The following PDE11A variants were observed in gnomAD, a reference collection of about 807,000 sequenced individuals.
PDE11A encodes the protein phosphodiesterase 11A.
PDE11A carries 100 observed loss-of-function variants against 100.5 expected under a neutral mutation model. The ratio of observed to expected loss-of-function variants is 1.00; its 90% CI spans 0.85 to 1.18. The LOEUF is 1.18. Among genes scored for constraint, PDE11A ranks in the 50% most tolerant of loss-of-function variants. The pLI, the probability that PDE11A is intolerant of heterozygous loss-of-function variation, is 0.00. For synonymous variants in PDE11A, 381 were observed against 420.8 expected (o/e 0.91, Z 1.16); for missense variants, 1,141 against 1,152.6 (o/e 0.99, Z 0.15).
upstream of PDE11A, among the ~76,000 whole-genome samples, chr2:178,073,409 A>G (rs1344056322): frequency 6.6e-6 from 1 of 152,210 alleles, no homozygotes; most frequent in Non-Finnish European, 1.5e-5. Flanking sequence ...TACACAGAGA[A>G]AGGGTGTAAA....
At chr2:177,749,904 A>C (rs1463346038) in intron 10 of PDE11A, among the ~76,000 whole-genome samples, 10 of 152,226 alleles carry the variant, frequency 6.6e-5, no homozygotes, top group Non-Finnish European at 1.5e-5. Context: ...GGGAATATGT[A>C]GGCTCATATT....
At position 177,927,426 on chromosome 2, in the gene PDE11A, C is replaced by T. The variant is rs1345568672; in HGVS notation, c.1072-22239G>A. The stretch of plus-strand genomic sequence containing the variant: ...TCTATGGAAATGTGAAGAGGAAAGA[C>T]ATTCATTTCTTAACTGTTGAGATTA... On this transcript the variant is annotated intron_variant, in intron 2 of 19. Coordinates refer to ENST00000286063, the MANE Select transcript of PDE11A (RefSeq NM_016953.4). Among the ~76,000 whole-genome samples, 4 of 152,166 alleles carry T rather than the reference C, an allele frequency of 2.6e-5. No individual in the cohort carries two copies. The East Asian group carries it at 7.7e-4, about 29-fold the overall frequency.
intron 4 of PDE11A, among the ~76,000 whole-genome samples, chr2:177,890,850 T>G (rs933609917): frequency 6.6e-6 from 1 of 152,176 alleles, no homozygotes; most frequent in Non-Finnish European, 1.5e-5. Context: ...AAATGTAATC[T>G]CATTTATGTA....
At chr2:177,763,763 G>A (rs543308923) in intron 10 of PDE11A, among the ~76,000 whole-genome samples, 1 of 152,346 alleles carries the variant, frequency 6.6e-6, no homozygotes, top group South Asian at 2.1e-4. Context: ...AGGGGCTGCT[G>A]CAAGAATTGG....
intron 2 of PDE11A, among the ~76,000 whole-genome samples, chr2:177,949,887 T>G (rs2085486314): frequency 6.6e-6 from 1 of 152,210 alleles, no homozygotes; most frequent in Non-Finnish European, 1.5e-5. Flanking sequence ...CAAATAAATA[T>G]CTTAGTTGCC....
At chr2:177,979,333 TAAAAAG>T (rs1264286049) in intron 2 of PDE11A, among the ~76,000 whole-genome samples, 1 of 150,546 alleles carries the variant, frequency 6.6e-6, no homozygotes, top group Non-Finnish European at 1.5e-5. Flanking sequence ...GTGACCAATA[TAAAAAG>T]AAAAAGAAAA....
chr2:177,698,420 AT>A (rs2081148664), intron 14 of PDE11A: 1 of 152,110 alleles, frequency 6.6e-6, no homozygotes, highest in Admixed American at 6.6e-5. Flanking sequence ...AGGACTTTTC[AT>A]TTTTTAGGTT....
chr2:177,774,800 C>CATATGAGAT lies in PDE11A; in HGVS notation c.1738-5428_1738-5427insATCTCATAT, dbSNP rs547312186. 7.6e-4 allele frequency among the ~76,000 whole-genome samples: 116 copies of CATATGAGAT among 152,262 alleles called. 1 individual carries two copies. Among genetic ancestry groups the CATATGAGAT allele is most frequent in the Middle Eastern group, 6.8e-3 (2 of 294 alleles). On this transcript the variant is annotated intron_variant, in intron 9 of 19. Transcript: ENST00000286063. ...TGAAGATTTTCCCATATGTGATAGA[C>CATATGAGAT]AGAATAATGCTCCCCCACAAGATGT...
rs149729042 is a variant in PDE11A at position 177,876,038 on chromosome 2, G to T, written c.1303-115C>A. ...TTATAATACTTGGAGATTATAGAGAGATTTTTAAGTGGAGAAATCCCAAGA... is the reference window on the plus strand; with the variant it reads ...TTATAATACTTGGAGATTATAGAGATATTTTTAAGTGGAGAAATCCCAAGA... On this transcript the variant is annotated intron_variant, in intron 4 of 19. Transcript: ENST00000286063. 1,010 of 733,262 alleles carry T rather than the reference G, an allele frequency of 1.4e-3. 4 individuals are homozygous for T. In the African/African-American group the frequency reaches 0.016, roughly 11 times the overall value. 45.4% of individuals were successfully genotyped at this position (733,262 alleles called of 1,614,324 possible).
intron 2 of PDE11A, among the ~76,000 whole-genome samples, chr2:177,936,433 AC>A (rs574082538): frequency 5.3e-5 from 8 of 152,190 alleles, no homozygotes; most frequent in Non-Finnish European, 4.4e-5. Flanking sequence ...CCAGAAAGCC[AC>A]CCCTGTGCTC....
intron 2 of PDE11A, among the ~76,000 whole-genome samples, chr2:178,085,016 A>G (rs937163168): frequency 2.6e-5 from 4 of 152,202 alleles, no homozygotes; most frequent in Admixed American, 1.3e-4. Context: ...GAATGTCCAT[A>G]TAGGTACTTC....
chr2:177,704,281 T>C (rs531885047), intron 13 of PDE11A, among the ~76,000 whole-genome samples: 46 of 152,342 alleles, frequency 3.0e-4, no homozygotes, highest in African/African-American at 9.6e-4. Flanking sequence ...TGCTCACTTT[T>C]CTGCAAACAA....
At chr2:177,977,670 A>G (rs1159689273) in intron 2 of PDE11A, among the ~76,000 whole-genome samples, 1 of 128,460 alleles carries the variant, frequency 7.8e-6, no homozygotes, top group Non-Finnish European at 1.7e-5. Context: ...GAGGCATCAC[A>G]CTACCTGACT....
intron 13 of PDE11A, among the ~76,000 whole-genome samples, chr2:177,705,482 T>C (rs980357514): frequency 6.6e-6 from 1 of 152,212 alleles, no homozygotes; most frequent in African/African-American, 2.4e-5. Context: ...TAGGTCATCT[T>C]AACATACTAA....
At chr2:177,929,333 G>C (rs1416613241) in intron 2 of PDE11A, among the ~76,000 whole-genome samples, 1 of 152,178 alleles carries the variant, frequency 6.6e-6, no homozygotes, top group Non-Finnish European at 1.5e-5. Context: ...TGTTAGCTGA[G>C]AATCTCCATT....
At chr2:178,061,400 G>T (rs936878982) in intron 1 of PDE11A, among the ~76,000 whole-genome samples, 2 of 152,106 alleles carry the variant, frequency 1.3e-5, no homozygotes, top group African/African-American at 4.8e-5. Context: ...AGAATTATCT[G>T]TCCAAGATGC....
chr2:178,103,994 C>T (rs955803093), intron 2 of PDE11A, among the ~76,000 whole-genome samples: 11 of 152,194 alleles, frequency 7.2e-5, no homozygotes, highest in African/African-American at 2.2e-4. Context: ...ATCACTACTG[C>T]CATTATACCA....
intron 1 of PDE11A, among the ~76,000 whole-genome samples, chr2:178,030,809 T>A (rs1465057584): frequency 6.6e-6 from 1 of 152,078 alleles, no homozygotes; most frequent in African/African-American, 2.4e-5. Flanking sequence ...GCCCAGGAGG[T>A]TGAGGCTGCA....
intron 5 of PDE11A, among the ~76,000 whole-genome samples, chr2:177,842,264 C>T (rs555014427): frequency 3.4e-4 from 51 of 152,184 alleles, no homozygotes; most frequent in African/African-American, 8.4e-4. Flanking sequence ...AGAAGTAAAA[C>T]GGTTGGGTAG....
Sources: allele counts gnomAD v4.1 joint callset (sites outside exome capture counted in the v4.1 genomes callset), GRCh38; gene constraint gnomAD v4.1.1; transcripts MANE v1.5; gene names NCBI Gene and HGNC (gene_info 2026-07-23, HGNC 2026-07-21).